The following EDA variants were observed in gnomAD, a reference collection of about 807,000 sequenced individuals.
EDA encodes the protein ectodysplasin-A.
EDA carries 2 observed loss-of-function variants against 23.6 expected under a neutral mutation model. The observed-to-expected ratio is 0.08, with a 90% CI of 0.03 to 0.27. The LOEUF (loss-of-function observed/expected upper bound fraction) is 0.27. Ranked by LOEUF, EDA falls within the 10% of genes least tolerant of loss-of-function variation. EDA has a pLI of 1.00. For synonymous variants in EDA, 131 were observed against 132.0 expected (o/e 0.99, Z 0.05); for missense variants, 229 against 324.2 (o/e 0.71, Z 2.26).
intron 1 of EDA, among the ~76,000 whole-genome samples, chrX:69,751,311 G>T (rs1042900028): frequency 9.0e-6 from 1 of 111,718 alleles, no homozygotes; most frequent in African/African-American, 3.3e-5. Flanking sequence ...TTTTTGTCAG[G>T]TTTGTCAAAG....
At chrX:69,622,551 AGTCT>A (rs906531566) in intron 1 of EDA, among the ~76,000 whole-genome samples, 38 of 111,805 alleles carry the variant, frequency 3.4e-4, no homozygotes, top group African/African-American at 1.1e-3. Flanking sequence ...TTTTTCTATT[AGTCT>A]GTCTTTTTCT....
intron 1 of EDA, chrX:69,693,271 C>T (rs1421611758): frequency 9.0e-6 from 1 of 111,386 alleles, no homozygotes; most frequent in African/African-American, 3.3e-5. Context: ...TTGGCAATCA[C>T]TCCTCTGCTT....
At chrX:69,677,399 G>A (rs189953996) in intron 1 of EDA, among the ~76,000 whole-genome samples, 9,323 of 110,989 alleles carry the variant, frequency 0.084, 986 homozygotes, top group East Asian at 0.7. Context: ...CTGAGGAATC[G>A]CCACACTGAC....
Position 69,990,740 on chromosome X carries a change from C to CT in EDA, c.503-32462dup, listed in dbSNP as rs747453925. The stretch of plus-strand genomic sequence containing the variant: ...TCAAGAGAGCAGGATTTTGCTAGGG[C>CT]TTTTTTTTTTTTTTTTCTGTCTGTT... On this transcript the variant is annotated intron_variant, in intron 2 of 7. Transcript: ENST00000374552. Among the ~76,000 whole-genome samples the CT allele has an allele frequency of 3.1e-3, 283 of 90,743 alleles. 1 individual carries two copies. The highest frequency in any genetic ancestry group is 0.018 in the Middle Eastern group (3 of 169). 78.8% of individuals were successfully genotyped at this position (90,743 alleles called of 115,157 possible).
intron 2 of EDA, among the ~76,000 whole-genome samples, chrX:69,965,858 A>T (rs2019165019): frequency 8.9e-6 from 1 of 111,811 alleles, no homozygotes; most frequent in African/African-American, 3.3e-5. Flanking sequence ...ACCAGTCTGG[A>T]CAACATAGTG....
chrX:69,750,132 A>G (rs1374269914), intron 1 of EDA, among the ~76,000 whole-genome samples: 1 of 101,979 alleles, frequency 9.8e-6, no homozygotes, highest in East Asian at 3.2e-4. Context: ...CTTGTCATTT[A>G]CATTAGGTAT....
At chrX:69,684,530 G>T (rs753855029) in intron 1 of EDA, among the ~76,000 whole-genome samples, 1 of 111,770 alleles carries the variant, frequency 8.9e-6, no homozygotes, top group South Asian at 3.7e-4. Context: ...ATTTAAAATG[G>T]TGTTGTGTAT....
intron 1 of EDA, among the ~76,000 whole-genome samples, chrX:69,927,130 T>C (rs767020770): frequency 8.9e-6 from 1 of 111,831 alleles, no homozygotes; most frequent in African/African-American, 3.2e-5. Context: ...TGTCTTTTAA[T>C]TGGGCCATTT....
At chrX:69,819,680 G>C (rs1310180411) in intron 1 of EDA, among the ~76,000 whole-genome samples, 1 of 111,014 alleles carries the variant, frequency 9.0e-6, no homozygotes, top group Non-Finnish European at 1.9e-5. Flanking sequence ...GGACATGAAG[G>C]ACCTCTTCAA....
intron 1 of EDA, among the ~76,000 whole-genome samples, chrX:69,731,452 T>C (rs2013022261): frequency 9.3e-6 from 1 of 107,517 alleles, no homozygotes; most frequent in South Asian, 3.8e-4. Flanking sequence ...TTTTTTTTTC[T>C]TTTTTTTGAG....
intron 1 of EDA, among the ~76,000 whole-genome samples, chrX:69,946,447 A>G (rs1178462605): frequency 9.0e-6 from 1 of 111,638 alleles, no homozygotes; most frequent in Non-Finnish European, 1.9e-5. Flanking sequence ...CATTGTTTCT[A>G]GTCTTTCTTT....
intron 1 of EDA, among the ~76,000 whole-genome samples, chrX:69,833,158 A>G (rs1305568965): frequency 1.8e-5 from 2 of 111,964 alleles, no homozygotes; most frequent in Non-Finnish European, 1.9e-5. Flanking sequence ...CCCATTCAGT[A>G]TGATACTGGC....
intron 1 of EDA, among the ~76,000 whole-genome samples, chrX:69,712,710 G>A (rs961111051): frequency 2.7e-5 from 3 of 111,062 alleles, no homozygotes; most frequent in Non-Finnish European, 5.7e-5. Flanking sequence ...CCCATTACTG[G>A]GTATATACCC....
chrX:69,680,824 T>A (rs1233679816), intron 1 of EDA, among the ~76,000 whole-genome samples: 1 of 103,965 alleles, frequency 9.6e-6, no homozygotes, highest in Admixed American at 1.1e-4. Context: ...CATTTACATT[T>A]AAAGTTAATA....
chrX:69,638,331 A>G (rs759467264), intron 1 of EDA, among the ~76,000 whole-genome samples: 1 of 112,210 alleles, frequency 8.9e-6, no homozygotes, highest in Non-Finnish European at 1.9e-5. Flanking sequence ...GAAGTTCATG[A>G]ATAGTTCAGT....
chrX:69,732,896 T>C, intron 1 of EDA, among the ~76,000 whole-genome samples: 1 of 112,023 alleles, frequency 8.9e-6, no homozygotes, highest in Non-Finnish European at 1.9e-5. Flanking sequence ...CATAAATGTC[T>C]TCTTTTGAGA....
intron 1 of EDA, among the ~76,000 whole-genome samples, chrX:69,950,836 C>T (rs1413920334): frequency 2.2e-5 from 2 of 89,958 alleles, no homozygotes; most frequent in African/African-American, 4.2e-5. Flanking sequence ...TAAACTATTG[C>T]AAGAACAAAA....
chrX:69,814,656 C>T (rs2016036583), intron 1 of EDA, among the ~76,000 whole-genome samples: 2 of 111,961 alleles, frequency 1.8e-5, no homozygotes, highest in Admixed American at 1.9e-4. Flanking sequence ...TCCGGCTTCT[C>T]ACACTGGGAC....
intron 2 of EDA, among the ~76,000 whole-genome samples, chrX:70,009,559 GTTT>G (rs746171352): frequency 1.9e-5 from 2 of 103,316 alleles, no homozygotes; most frequent in African/African-American, 3.6e-5. Flanking sequence ...TTGTTTGTTT[GTTT>G]GGGTTTTGTT....
Sources: allele counts gnomAD v4.1 joint callset (sites outside exome capture counted in the v4.1 genomes callset), GRCh38; gene constraint gnomAD v4.1.1; transcripts MANE v1.5; gene names NCBI Gene and HGNC (gene_info 2026-07-23, HGNC 2026-07-21).